Variants in RBPJ observed in about 807,000 individuals in gnomAD.
RBPJ encodes the protein recombining binding protein suppressor of hairless.
Under a neutral mutation model 67.8 loss-of-function variants are expected in RBPJ, and 9 were observed. That is an observed-to-expected ratio of 0.13 (90% confidence interval 0.08 to 0.23). The LOEUF (loss-of-function observed/expected upper bound fraction) is 0.23, where lower values mean the gene tolerates loss of function less well. Ranked by LOEUF, RBPJ falls within the 10% of genes least tolerant of loss-of-function variation. The pLI, the probability that RBPJ is intolerant of heterozygous loss-of-function variation, is 1.00. For synonymous variants in RBPJ, 198 were observed against 203.3 expected, an observed-to-expected ratio of 0.97 and a Z score of 0.22; for missense variants, 305 against 595.6, an observed-to-expected ratio of 0.51 and a Z score of 5.08.
intron 1 of RBPJ, chr4:26,321,661 T>G (rs193054258): frequency 6.5e-6 from 1 of 153,502 alleles, no homozygotes; most frequent in East Asian, 1.9e-4. Context: ...TCTTCCATTG[T>G]CTTTCTCCTG....
chr4:26,381,728 A>G (rs535433779), intron 1 of RBPJ, among the ~76,000 whole-genome samples: 21 of 152,296 alleles, frequency 1.4e-4, no homozygotes, highest in Non-Finnish European at 2.9e-4. Context: ...CAGAACATAG[A>G]GCAAGAAGGA....
chr4:26,410,016 A>C (rs1733863112), intron 3 of RBPJ: 4 of 454,734 alleles, frequency 8.8e-6, no homozygotes, highest in Non-Finnish European at 1.8e-5. Flanking sequence ...AACCCATTAA[A>C]TTTACTTGAT....
At chr4:26,122,726 C>G in the RBPJ span, among the ~76,000 whole-genome samples, 2 of 152,056 alleles carry the variant, frequency 1.3e-5, no homozygotes, top group East Asian at 1.9e-4. Context: ...TGAGTAGGAT[C>G]TAGTAGGAAC....
chr4:26,426,879 G>T (rs1327261888), intron 7 of RBPJ, among the ~76,000 whole-genome samples: 1 of 152,174 alleles, frequency 6.6e-6, no homozygotes, highest in Non-Finnish European at 1.5e-5. Flanking sequence ...AATCTGTAAG[G>T]TTAGCACTAA....
intron 1 of RBPJ, among the ~76,000 whole-genome samples, chr4:26,182,620 A>T (rs1478109224): frequency 6.6e-6 from 1 of 151,142 alleles, no homozygotes; most frequent in Non-Finnish European, 1.5e-5. Flanking sequence ...CAGCCTCCTG[A>T]GTAGCTGGGA....
intron 1 of RBPJ, among the ~76,000 whole-genome samples, chr4:26,382,672 C>G (rs770752251): frequency 6.6e-6 from 1 of 152,112 alleles, no homozygotes; most frequent in Admixed American, 6.5e-5. Flanking sequence ...CTTCAAGTAG[C>G]TAGGACTACA....
At chr4:26,219,781 G>A (rs1718839136) in intron 1 of RBPJ, among the ~76,000 whole-genome samples, 1 of 151,698 alleles carries the variant, frequency 6.6e-6, no homozygotes, top group South Asian at 2.1e-4. Context: ...TGTTGTTGTT[G>A]TTGTTTTTTT....
intron 1 of RBPJ, among the ~76,000 whole-genome samples, chr4:26,275,204 G>C (rs1721038357): frequency 6.6e-6 from 1 of 152,188 alleles, no homozygotes; most frequent in South Asian, 2.1e-4. Context: ...TCAAGGTGTG[G>C]AACCGTGCTC....
At chr4:26,408,149 A>G (rs753043536) in intron 3 of RBPJ, among the ~76,000 whole-genome samples, 1 of 152,088 alleles carries the variant, frequency 6.6e-6, no homozygotes, top group African/African-American at 2.4e-5. Flanking sequence ...GATTACAGGC[A>G]TGAGACACCG....
At chr4:26,229,477 A>C (rs1046525473) in intron 1 of RBPJ, among the ~76,000 whole-genome samples, 1 of 152,116 alleles carries the variant, frequency 6.6e-6, no homozygotes, top group Non-Finnish European at 1.5e-5. Flanking sequence ...TGGCTATTTC[A>C]TGAAAGGCCA....
intron 4 of RBPJ, among the ~76,000 whole-genome samples, chr4:26,419,993 T>C (rs1386774226): frequency 8.5e-5 from 13 of 152,196 alleles, no homozygotes; most frequent in Non-Finnish European, 1.5e-5. Flanking sequence ...ATATAATCTC[T>C]TTCTGGTTTA....
At chr4:26,114,270 C>G in the RBPJ span, among the ~76,000 whole-genome samples, 1 of 151,904 alleles carries the variant, frequency 6.6e-6, no homozygotes, top group Non-Finnish European at 1.5e-5. Context: ...ACCAGCCTGA[C>G]CAACATGGCG....
intron 1 of RBPJ, among the ~76,000 whole-genome samples, chr4:26,261,524 T>G (rs1177121305): frequency 6.6e-6 from 1 of 152,100 alleles, no homozygotes; most frequent in Non-Finnish European, 1.5e-5. Flanking sequence ...GAGAGGGAAG[T>G]GGTCAGGCCC....
At position 26,415,549 on chromosome 4, in the gene RBPJ, A is replaced by G; in HGVS notation, c.230A>G (p.Asp77Gly). Residue 77 changes from aspartate to glycine, a missense_variant, in exon 4 of 11, where the codon GAT (aspartate) becomes GGT (glycine). Around this residue, in one of 7 missense-constraint regions of RBPJ, gnomAD observed 79 missense variants for 106.2 expected, o/e 0.74. Coordinates refer to ENST00000355476, the MANE Select transcript of RBPJ (RefSeq NM_015874.6). ...AAAAAAAAAGAACAAATGGAACGCG[A>G]TGGTTGTTCTGAACAAGAGTCTCAA... ...WKKKKEQMER[D>G]GCSEQESQPC... 1 of 1,613,420 alleles carries G rather than the reference A, an allele frequency of 6.2e-7. No homozygotes were observed. Among genetic ancestry groups the G allele is most frequent in the South Asian group, 1.1e-5 (1 of 91,020 alleles).
chr4:26,239,742 AGG>A (rs1461051898), intron 1 of RBPJ, among the ~76,000 whole-genome samples: 1 of 143,804 alleles, frequency 7.0e-6, no homozygotes, highest in Non-Finnish European at 1.5e-5. Context: ...AGGGGAGGGG[AGG>A]GGAGAGGAGA....
At chr4:26,382,104 C>G (rs948846109) in intron 1 of RBPJ, among the ~76,000 whole-genome samples, 1 of 152,026 alleles carries the variant, frequency 6.6e-6, no homozygotes, top group Admixed American at 6.6e-5. Context: ...TAATAATTGC[C>G]TATACATGAT....
chr4:26,109,483 T>TACACACACAC, the RBPJ span, among the ~76,000 whole-genome samples: 3 of 59,028 alleles, frequency 5.1e-5, no homozygotes, highest in Admixed American at 1.8e-4. Flanking sequence ...TATATATATA[T>TACACACACAC]ATATATATAC....
chr4:26,164,035 T>A (rs1716162769), intron 1 of RBPJ, among the ~76,000 whole-genome samples: 1 of 152,234 alleles, frequency 6.6e-6, no homozygotes, highest in Admixed American at 6.5e-5. Flanking sequence ...TCCCTCTAGG[T>A]ATTTAAATTT....
chr4:26,130,883 ATTAATTTAATGTG>A, the RBPJ span, among the ~76,000 whole-genome samples: 4,432 of 152,372 alleles, frequency 0.029, 111 homozygotes, highest in South Asian at 0.11. Flanking sequence ...CAAAATCCTC[ATTAATTTAATGTG>A]TTAATTTAAT....
Sources: allele counts gnomAD v4.1 joint callset (sites outside exome capture counted in the v4.1 genomes callset), GRCh38; gene constraint gnomAD v4.1.1; regional missense constraint gnomAD v4.1.1; transcripts MANE v1.5; gene names NCBI Gene and HGNC (gene_info 2026-07-23, HGNC 2026-07-21).